Variants in PTPRD observed in about 807,000 individuals in gnomAD.
PTPRD encodes protein tyrosine phosphatase receptor type D.
In PTPRD, 34 loss-of-function variants were observed where a neutral mutation model predicts 214.5. That is an observed-to-expected ratio of 0.16 (90% CI 0.12 to 0.21). The LOEUF is 0.21. Ranked by LOEUF, PTPRD falls within the 10% of genes least tolerant of loss-of-function variation. The pLI, the probability that PTPRD is intolerant of heterozygous loss-of-function variation, is 1.00. For missense variants in PTPRD, 2,545 were observed against 2,398.7 expected, an observed-to-expected ratio of 1.06 and a Z score of -1.27; for synonymous variants, 1,128 against 845.7, an observed-to-expected ratio of 1.33 and a Z score of -5.79.
At chr9:10,499,510 G>C (rs34047485) in intron 2 of PTPRD, among the ~76,000 whole-genome samples, 19,267 of 151,886 alleles carry the variant, frequency 0.13, 1,629 homozygotes, top group Non-Finnish European at 0.19. Context: ...AACTGTTTGT[G>C]AGGCTGCTGT....
intron 3 of PTPRD, among the ~76,000 whole-genome samples, chr9:10,100,730 G>A (rs1298524802): frequency 1.3e-5 from 2 of 151,534 alleles, no homozygotes; most frequent in Admixed American, 6.6e-5. Flanking sequence ...TGAGCACCTC[G>A]TAAGTGTCAT....
intron 3 of PTPRD, among the ~76,000 whole-genome samples, chr9:10,066,390 C>T (rs1216498733): frequency 6.6e-6 from 1 of 151,698 alleles, no homozygotes; most frequent in Non-Finnish European, 1.5e-5. Flanking sequence ...AGGAGAGGCC[C>T]TTTAACCACT....
intron 11 of PTPRD, among the ~76,000 whole-genome samples, chr9:8,891,117 C>G (rs1456493965): frequency 7.0e-6 from 1 of 143,504 alleles, no homozygotes; most frequent in African/African-American, 2.6e-5. Flanking sequence ...CTCAGAACTT[C>G]TGTGCTTTGA....
chr9:10,521,143 T>G (rs1228535308), intron 2 of PTPRD, among the ~76,000 whole-genome samples: 1 of 152,060 alleles, frequency 6.6e-6, no homozygotes, highest in South Asian at 2.1e-4. Context: ...TAGATGCCAT[T>G]AAGAACATTT....
chr9:10,082,527 C>A (rs898172478), intron 3 of PTPRD, among the ~76,000 whole-genome samples: 1 of 151,804 alleles, frequency 6.6e-6, no homozygotes, highest in Non-Finnish European at 1.5e-5. Context: ...CTGTGAATTA[C>A]AAATTACAAG....
At position 9,490,305 on chromosome 9, in the gene PTPRD, C is replaced by T. The variant is rs1224934325; in HGVS notation, c.-237+84427G>A. Among the ~76,000 whole-genome samples, 40 of 151,970 alleles carry T rather than the reference C, an allele frequency of 2.6e-4. 1 individual carries two copies. Among genetic ancestry groups the T allele is most frequent in the Admixed American group, 2.6e-3 (40 of 15,240 alleles). ...AAAGATGCAACACAATAGCTAGAAG[C>T]TATGTGAAGAAATAAAGATCTCAAT... On this transcript the variant is annotated intron_variant, in intron 8 of 45. Transcript: ENST00000381196.
At chr9:8,650,788 T>G (rs1325851351) in intron 12 of PTPRD, among the ~76,000 whole-genome samples, 1 of 152,192 alleles carries the variant, frequency 6.6e-6, no homozygotes, top group Non-Finnish European at 1.5e-5. Context: ...CAATACCTTT[T>G]AAAGTAAGTA....
chr9:9,204,850 A>G (rs1181232923), intron 9 of PTPRD, among the ~76,000 whole-genome samples: 2 of 152,030 alleles, frequency 1.3e-5, no homozygotes, highest in African/African-American at 2.4e-5. Context: ...GTCTCAAATT[A>G]TTATCATTAT....
intron 3 of PTPRD, among the ~76,000 whole-genome samples, chr9:10,116,691 G>A (rs1415008671): frequency 3.9e-5 from 6 of 152,068 alleles, no homozygotes; most frequent in Non-Finnish European, 5.9e-5. Flanking sequence ...TCTTAAGCAG[G>A]AGTCAGGTCA....
intron 10 of PTPRD, among the ~76,000 whole-genome samples, chr9:9,147,665 AG>A (rs1251037398): frequency 6.6e-6 from 1 of 152,138 alleles, no homozygotes; most frequent in African/African-American, 2.4e-5. Flanking sequence ...ACAATTGCAG[AG>A]TTGAGCAATT....
At chr9:9,595,517 C>A (rs1010742169) in intron 7 of PTPRD, among the ~76,000 whole-genome samples, 1 of 145,656 alleles carries the variant, frequency 6.9e-6, no homozygotes, top group Admixed American at 7.0e-5. Context: ...CATATGCATA[C>A]ATATATACAC....
intron 3 of PTPRD, among the ~76,000 whole-genome samples, chr9:10,239,878 A>G (rs947534948): frequency 6.6e-6 from 1 of 151,690 alleles, no homozygotes; most frequent in Non-Finnish European, 1.5e-5. Flanking sequence ...TCTTTTCCCC[A>G]AGGTTGGTCT....
chr9:10,141,057 T>G (rs904254669), intron 3 of PTPRD, among the ~76,000 whole-genome samples: 2 of 152,128 alleles, frequency 1.3e-5, no homozygotes, highest in African/African-American at 2.4e-5. Flanking sequence ...CAACCCTTCA[T>G]GCTAAAAATT....
At chr9:9,091,936 C>T (rs545893867) in intron 10 of PTPRD, among the ~76,000 whole-genome samples, 9 of 152,292 alleles carry the variant, frequency 5.9e-5, no homozygotes, top group Non-Finnish European at 1.2e-4. Context: ...TCACTAATGT[C>T]ACCTTCTATC....
intron 9 of PTPRD, among the ~76,000 whole-genome samples, chr9:9,243,694 G>A (rs567150918): frequency 5.9e-5 from 9 of 152,148 alleles, no homozygotes; most frequent in East Asian, 5.8e-4. Flanking sequence ...TACTGAATGG[G>A]CAAAAACTGG....
intron 7 of PTPRD, among the ~76,000 whole-genome samples, chr9:9,707,632 G>C (rs1005688755): frequency 6.6e-6 from 1 of 152,072 alleles, no homozygotes; most frequent in Non-Finnish European, 1.5e-5. Flanking sequence ...GCAAAAAATA[G>C]TTTTGCCTAT....
intron 7 of PTPRD, among the ~76,000 whole-genome samples, chr9:9,663,462 G>GA (rs1438992758): frequency 1.3e-5 from 2 of 151,404 alleles, no homozygotes; most frequent in African/African-American, 2.4e-5. Flanking sequence ...CAGATTGGTA[G>GA]AAAAAAATTA....
At chr9:10,482,250 A>G (rs1289025325) in intron 2 of PTPRD, among the ~76,000 whole-genome samples, 13 of 151,948 alleles carry the variant, frequency 8.6e-5, no homozygotes, top group South Asian at 2.1e-4. Flanking sequence ...GGGTGCCTGT[A>G]GTCCCAGCTA....
intron 2 of PTPRD, among the ~76,000 whole-genome samples, chr9:10,375,218 G>T (rs557213864): frequency 6.6e-6 from 1 of 152,166 alleles, no homozygotes; most frequent in East Asian, 1.9e-4. Context: ...GCTTGTACTT[G>T]CATTATCATG....
Sources: gnomAD v4.1 joint callset for allele counts (sites outside exome capture counted in the v4.1 genomes callset) on GRCh38, gnomAD v4.1.1 for gene constraint, MANE v1.5 for transcripts, NCBI Gene and HGNC (gene_info 2026-07-23, HGNC 2026-07-21) for gene names.